Variants in NOS2 observed in about 807,000 individuals in gnomAD.
NOS2 encodes the protein nitric oxide synthase 2, also known as nitric oxide synthase, inducible.
In NOS2, 96 loss-of-function variants were observed where a neutral mutation model predicts 136.0. That is an observed-to-expected ratio of 0.71 (90% CI 0.60 to 0.84). NOS2 has a LOEUF of 0.84. Ranked by LOEUF, NOS2 falls within the 40% of genes least tolerant of loss-of-function variation. The pLI is 0.00. For missense variants in NOS2, 1,237 were observed against 1,496.9 expected (o/e 0.83, Z 2.87); for synonymous variants, 539 against 587.5 (o/e 0.92, Z 1.20).
chr17:27,777,439 AG>A (rs1908694417), intron 11 of NOS2, among the ~76,000 whole-genome samples: 1 of 152,290 alleles, frequency 6.6e-6, no homozygotes, highest in East Asian at 1.9e-4. Flanking sequence ...AGCCCTACAC[AG>A]GAGCCCAGCG....
At chr17:27,761,268 C>T in intron 22 of NOS2, 37 bp from the exon 23 acceptor site, 11 of 1,540,266 alleles carry the variant, frequency 7.1e-6, no homozygotes, top group Non-Finnish European at 9.7e-6. Flanking sequence ...CGTCCCCCCA[C>T]TGCCCATGCG....
chr17:27,790,966 T>C (rs752540478), intron 2 of NOS2, among the ~76,000 whole-genome samples: 2 of 152,160 alleles, frequency 1.3e-5, no homozygotes, highest in Non-Finnish European at 2.9e-5. Context: ...GAGGGAGAGG[T>C]GGTTAGAGAC....
chr17:27,759,630 CA>C (rs1317572563), intron 25 of NOS2, among the ~76,000 whole-genome samples: 3 of 152,240 alleles, frequency 2.0e-5, no homozygotes, highest in Admixed American at 2.0e-4. Flanking sequence ...ACCCCAGGCT[CA>C]GGGGGTAACG....
chr17:27,773,358 T>A, intron 12 of NOS2, 115 bp from the exon 13 acceptor site: 1 of 733,672 alleles, frequency 1.4e-6, no homozygotes, highest in Non-Finnish European at 2.3e-6. Flanking sequence ...GAGAGAAGGC[T>A]GGCCTGCGCC....
intron 13 of NOS2, among the ~76,000 whole-genome samples, chr17:27,772,862 C>T (rs3794760): frequency 5.9e-5 from 9 of 152,082 alleles, no homozygotes; most frequent in East Asian, 5.8e-4. Flanking sequence ...TGCGAGACCC[C>T]GTCTCTACAA....
Position 27,780,777 on chromosome 17 carries a change from C to G in NOS2, c.994G>C (p.Glu332Gln). ...CCTCAGCCTACTTACTTGGGATGTT[C>G]CATGGCCACCTCAAGCACAAGGTCA... ...PPDLVLEVAM[E>Q]HPKYEWFREL... Residue 332 changes from glutamate to glutamine, a missense_variant, in exon 9 of 27, where the codon GAA becomes CAA. Glu to Gln is a conservative substitution (Grantham distance 29). Transcript: ENST00000313735. 1 of 1,614,206 alleles carries G rather than the reference C, an allele frequency of 6.2e-7. No individual in the cohort carries two copies. Among genetic ancestry groups the G allele is most frequent in the South Asian group, 1.1e-5 (1 of 91,076 alleles).
At chr17:27,779,621 A>G (rs1354341347) in intron 9 of NOS2, among the ~76,000 whole-genome samples, 1 of 152,204 alleles carries the variant, frequency 6.6e-6, no homozygotes, top group Non-Finnish European at 1.5e-5. Flanking sequence ...TTATGCATTC[A>G]TGCACTCATT....
intron 12 of NOS2, among the ~76,000 whole-genome samples, chr17:27,773,695 C>T (rs1908571667): frequency 6.6e-6 from 1 of 152,150 alleles, no homozygotes; most frequent in African/African-American, 2.4e-5. Context: ...ATGAAGGAAG[C>T]TCTTAAAATC....
intron 2 of NOS2, among the ~76,000 whole-genome samples, chr17:27,790,706 CA>C: frequency 6.6e-6 from 1 of 152,272 alleles, no homozygotes; most frequent in South Asian, 2.1e-4. Flanking sequence ...AGATTACTTA[CA>C]AATTAAATTA....
intron 4 of NOS2, 134 bp from the exon 5 acceptor site, chr17:27,787,960 C>A: frequency 1.1e-6 from 1 of 876,240 alleles, no homozygotes; most frequent in Non-Finnish European, 1.7e-6. Context: ...ACCCCTGTGG[C>A]ACCTCCTCCT....
At chr17:27,771,917 A>C (rs1908507990) in intron 14 of NOS2, among the ~76,000 whole-genome samples, 1 of 152,208 alleles carries the variant, frequency 6.6e-6, no homozygotes, top group Admixed American at 6.5e-5. Flanking sequence ...AAGGCAGGGG[A>C]TAGAGCTTAG....
At chr17:27,798,162 T>C (rs1457799233) in intron 2 of NOS2, among the ~76,000 whole-genome samples, 2 of 152,146 alleles carry the variant, frequency 1.3e-5, no homozygotes, top group African/African-American at 4.8e-5. Flanking sequence ...GGGTTCCTCA[T>C]ACCACAGGTG....
chr17:27,800,033 T>C (rs188039372), intron 1 of NOS2, among the ~76,000 whole-genome samples: 33 of 152,330 alleles, frequency 2.2e-4, no homozygotes, highest in Admixed American at 1.7e-3. Flanking sequence ...GGAGGTTACA[T>C]GTTATAAGGA....
At chr17:27,781,506 G>A (rs915092275) in intron 7 of NOS2, among the ~76,000 whole-genome samples, 3 of 152,146 alleles carry the variant, frequency 2.0e-5, no homozygotes, top group Non-Finnish European at 4.4e-5. Flanking sequence ...CAGCATCTTA[G>A]GGTCCTAGTC....
chr17:27,766,315 G>A (rs1470735005), intron 19 of NOS2, among the ~76,000 whole-genome samples, 195 bp downstream of exon 19: 22 of 152,198 alleles, frequency 1.4e-4, no homozygotes, highest in Admixed American at 6.5e-5. Context: ...AAAGTGGCTC[G>A]TGGTTAACCA....
chr17:27,780,795 C>G lies in NOS2; in HGVS notation c.976G>C (p.Val326Leu). ...GGATGTTCCATGGCCACCTCAAGCA[C>G]AAGGTCAGGTGGGATTTCGAAGAGC... ...PELFEIPPDL[V>L]LEVAMEHPKY... Residue 326 changes from valine (V) to leucine (L), a missense_variant, in exon 9 of 27, where the codon GTG becomes CTG. By Grantham distance (32) the Val-to-Leu change is conservative. Transcript: ENST00000313735. 6.2e-7 allele frequency: 1 copy of G among 1,614,222 alleles called. No homozygotes were observed. The highest frequency in any genetic ancestry group is 8.5e-7 in the Non-Finnish European group (1 of 1,180,044).
intron 2 of NOS2, among the ~76,000 whole-genome samples, chr17:27,797,087 G>T (rs920852241): frequency 6.6e-6 from 1 of 152,082 alleles, no homozygotes; most frequent in Admixed American, 6.5e-5. Context: ...GCCCACTCCT[G>T]GCCAAGCACA....
rs991348767 is a variant in NOS2 at position 27,794,575 on chromosome 17, G to T, written c.110+4125C>A. Among the ~76,000 whole-genome samples the T allele has an allele frequency of 2.0e-5, 3 of 152,170 alleles. No individual in the cohort carries two copies. The South Asian group carries it at 6.2e-4, about 32-fold the overall frequency. ...CCCAGTTAAAGCAGAATGAAAGAGG[G>T]CACATATTTATTTCTAGCCAACTGC... is the stretch of plus-strand genomic sequence containing the variant. On this transcript the variant is annotated intron_variant, in intron 2 of 26. Coordinates refer to ENST00000313735, the MANE Select transcript of NOS2 (RefSeq NM_000625.4).
At chr17:27,794,739 C>CAA (rs1465299755) in intron 2 of NOS2, among the ~76,000 whole-genome samples, 1 of 152,020 alleles carries the variant, frequency 6.6e-6, no homozygotes, top group Non-Finnish European at 1.5e-5. Context: ...CACACACACA[C>CAA]ACACACACCA....
Sources: gnomAD v4.1 joint callset for allele counts (sites outside exome capture counted in the v4.1 genomes callset) on GRCh38, gnomAD v4.1.1 for gene constraint, MANE v1.5 for transcripts, NCBI Gene and HGNC (gene_info 2026-07-23, HGNC 2026-07-21) for gene names.